Variants in SH3PXD2B observed in about 807,000 individuals in gnomAD.
SH3PXD2B encodes SH3 and PX domains 2B, also known as SH3 and PX domain-containing protein 2B.
SH3PXD2B carries 37 observed loss-of-function variants against 73.1 expected under a neutral mutation model. The ratio of observed to expected loss-of-function variants is 0.51; its 90% CI spans 0.39 to 0.67. SH3PXD2B has a LOEUF of 0.67. Ranked by LOEUF, SH3PXD2B falls within the 30% of genes least tolerant of loss-of-function variation. The probability of loss-of-function intolerance (pLI) is 0.00; values close to 1 mark genes in which losing one functional copy is unlikely to be tolerated. For missense variants in SH3PXD2B, 1,053 were observed against 1,197.8 expected (o/e 0.88, Z 1.78); for synonymous variants, 457 against 480.5 (o/e 0.95, Z 0.64).
chr5:172,334,158 C>A lies in SH3PXD2B; in HGVS notation c.*4211G>T. ...GAAACGGGAAGATGGAATGTTGAAA[C>A]ATGAGGAGGAGCTCGATAACTTGGC... On this transcript the variant is annotated 3_prime_UTR_variant, in exon 13 of 13. Coordinates refer to ENST00000311601, the MANE Select transcript of SH3PXD2B (RefSeq NM_001017995.3). 1 of 1,114,940 alleles carries A rather than the reference C, an allele frequency of 9.0e-7. No homozygotes were observed. The highest frequency in any genetic ancestry group is 1.1e-6 in the Non-Finnish European group (1 of 910,102). 69.1% of individuals were successfully genotyped at this position (1,114,940 alleles called of 1,614,324 possible). A position where few individuals can be genotyped will look rare whatever the true frequency, so the allele number is the denominator to read the frequency against.
At chr5:172,326,120 G>A (rs1756443053) in intron 12 of SH3PXD2B, among the ~76,000 whole-genome samples, 1 of 152,208 alleles carries the variant, frequency 6.6e-6, no homozygotes, top group Non-Finnish European at 1.5e-5. Context: ...AAAGGCCAAT[G>A]TCACATTGGC....
intron 5 of SH3PXD2B, among the ~76,000 whole-genome samples, chr5:172,381,730 T>C (rs1581293346): frequency 6.6e-6 from 1 of 152,140 alleles, no homozygotes; most frequent in Non-Finnish European, 1.5e-5. Flanking sequence ...GCTAGATGAA[T>C]CTACGGCTCA....
downstream of SH3PXD2B, among the ~76,000 whole-genome samples, chr5:172,331,331 T>A (rs1262777635): frequency 6.6e-6 from 1 of 152,226 alleles, no homozygotes; most frequent in African/African-American, 2.4e-5. Flanking sequence ...TTCCTCAGAA[T>A]GGATTTCTCA....
chr5:172,382,983 C>T (rs1757983234), intron 4 of SH3PXD2B, among the ~76,000 whole-genome samples: 1 of 152,040 alleles, frequency 6.6e-6, no homozygotes, highest in Non-Finnish European at 1.5e-5. Flanking sequence ...AGTGATCCAC[C>T]CACTTCAGCC....
At chr5:172,349,734 A>G (rs1331122803) in intron 10 of SH3PXD2B, among the ~76,000 whole-genome samples, 5 of 152,226 alleles carry the variant, frequency 3.3e-5, no homozygotes, top group African/African-American at 9.6e-5. Flanking sequence ...TGAGGAGTCG[A>G]TTAGACTAAT....
chr5:172,449,356 C>T (rs1013406587), intron 1 of SH3PXD2B, among the ~76,000 whole-genome samples: 2 of 152,204 alleles, frequency 1.3e-5, no homozygotes, highest in Admixed American at 6.5e-5. Flanking sequence ...ACAGGATCCC[C>T]CTATGTTTCT....
rs151260621 is a variant in SH3PXD2B at position 172,357,252 on chromosome 5, C to T, written c.667+1521G>A. On this transcript the variant is annotated intron_variant, in intron 8 of 12. Coordinates refer to ENST00000311601, the MANE Select transcript of SH3PXD2B (RefSeq NM_001017995.3). ...CAGCCTGGCCAACATGGCGAAACCC[C>T]GTTTCTACTAAAAATACGAAAACTA... Among the ~76,000 whole-genome samples, 256 of 151,968 alleles carry T rather than the reference C, an allele frequency of 1.7e-3. 1 individual carries two copies. The highest frequency in any genetic ancestry group is 5.8e-3 in the African/African-American group (242 of 41,432).
intron 5 of SH3PXD2B, among the ~76,000 whole-genome samples, chr5:172,378,730 C>A (rs1282909767): frequency 3.3e-5 from 5 of 152,182 alleles, no homozygotes; most frequent in African/African-American, 1.2e-4. Flanking sequence ...TAAGAGGAGA[C>A]TGAGGCAAGG....
chr5:172,340,101 G>A (rs1034109074), intron 12 of SH3PXD2B, among the ~76,000 whole-genome samples, 185 bp from the exon 13 acceptor site: 1 of 152,218 alleles, frequency 6.6e-6, no homozygotes, highest in African/African-American at 2.4e-5. Context: ...ATCTTACATG[G>A]GGGGAGAGTC....
chr5:172,377,134 G>A (rs1018249933), intron 5 of SH3PXD2B, among the ~76,000 whole-genome samples: 1 of 152,168 alleles, frequency 6.6e-6, no homozygotes, highest in Non-Finnish European at 1.5e-5. Context: ...GAGTGGGGGC[G>A]GCAGGGGACT....
At chr5:172,408,896 T>G (rs762072829) in intron 2 of SH3PXD2B, among the ~76,000 whole-genome samples, 31 of 152,186 alleles carry the variant, frequency 2.0e-4, no homozygotes, top group Non-Finnish European at 3.2e-4. Context: ...ACATAATAAT[T>G]GTATATATTC....
At chr5:172,376,030 CTTTTTTT>C (rs371476674) in intron 5 of SH3PXD2B, among the ~76,000 whole-genome samples, 2 of 136,176 alleles carry the variant, frequency 1.5e-5, no homozygotes, top group Admixed American at 1.5e-4. Context: ...CATGTATCTT[CTTTTTTT>C]TTTTTTTTTT....
intron 12 of SH3PXD2B, among the ~76,000 whole-genome samples, chr5:172,325,980 T>C (rs1756440746): frequency 6.6e-6 from 1 of 152,122 alleles, no homozygotes; most frequent in Non-Finnish European, 1.5e-5. Flanking sequence ...AGAGACAGGG[T>C]TTCTCCATGT....
chr5:172,387,069 A>C (rs907096780), intron 4 of SH3PXD2B, among the ~76,000 whole-genome samples: 1 of 150,404 alleles, frequency 6.6e-6, no homozygotes, highest in African/African-American at 2.5e-5. Context: ...AAAAATATGA[A>C]TAATAATATA....
intron 10 of SH3PXD2B, 147 bp downstream of exon 10, chr5:172,350,216 C>T (rs377505979): frequency 4.4e-5 from 32 of 730,270 alleles, no homozygotes; most frequent in South Asian, 2.6e-4. Flanking sequence ...ATAAGTTACC[C>T]GGGGTTTCTG....
chr5:172,401,700 C>G (rs538653875), intron 3 of SH3PXD2B, among the ~76,000 whole-genome samples: 7 of 152,236 alleles, frequency 4.6e-5, no homozygotes, highest in African/African-American at 1.7e-4. Context: ...TTATTAGTTC[C>G]CCAAATTAAT....
At chr5:172,344,437 A>G (rs112862723) in intron 12 of SH3PXD2B, among the ~76,000 whole-genome samples, 13 of 152,070 alleles carry the variant, frequency 8.5e-5, no homozygotes, top group African/African-American at 3.1e-4. Flanking sequence ...AAAATACAAA[A>G]ATCAGCCGGG....
chr5:172,432,254 AC>A (rs1759265974), intron 1 of SH3PXD2B, among the ~76,000 whole-genome samples: 2 of 152,070 alleles, frequency 1.3e-5, no homozygotes, highest in Non-Finnish European at 2.9e-5. Flanking sequence ...CAGCACTGCA[AC>A]TCGTGCCTGA....
intron 6 of SH3PXD2B, among the ~76,000 whole-genome samples, chr5:172,372,666 A>G (rs1236400133): frequency 6.6e-6 from 1 of 152,208 alleles, no homozygotes; most frequent in Non-Finnish European, 1.5e-5. Flanking sequence ...TGCCTTACAA[A>G]TATGATTATA....
Sources: allele counts gnomAD v4.1 joint callset (sites outside exome capture counted in the v4.1 genomes callset), GRCh38; gene constraint gnomAD v4.1.1; transcripts MANE v1.5; gene names NCBI Gene and HGNC (gene_info 2026-07-23, HGNC 2026-07-21).